The following EPS8 variants were observed in gnomAD, a reference collection of about 807,000 sequenced individuals.
EPS8 encodes the protein EGFR pathway substrate 8, signaling adaptor, also known as epidermal growth factor receptor kinase substrate 8.
In EPS8, 42 loss-of-function variants were observed where a neutral mutation model predicts 103.8. The observed-to-expected ratio is 0.40, with a 90% confidence interval of 0.32 to 0.52. The LOEUF (loss-of-function observed/expected upper bound fraction) is 0.52. Among genes scored for constraint, EPS8 ranks in the 20% least tolerant of loss-of-function variants. The pLI, the probability that EPS8 is intolerant of heterozygous loss-of-function variation, is 0.40. For synonymous variants in EPS8, 344 were observed against 344.6 expected, an observed-to-expected ratio of 1.00 and a Z score of 0.02; for missense variants, 969 against 1,005.1, an observed-to-expected ratio of 0.96 and a Z score of 0.49.
intron 6 of EPS8, 98 bp from the exon 7 acceptor site, chr12:15,666,620 G>T: frequency 2.5e-6 from 2 of 806,928 alleles, no homozygotes; most frequent in East Asian, 2.5e-5. Flanking sequence ...GTCTGAATCA[G>T]TAAGTATCTT....
At chr12:15,715,351 G>C (rs549249356) in intron 1 of EPS8, among the ~76,000 whole-genome samples, 1 of 151,440 alleles carries the variant, frequency 6.6e-6, no homozygotes, top group African/African-American at 2.4e-5. Flanking sequence ...CGTCCACAGG[G>C]GCTGATCCCA....
intron 1 of EPS8, among the ~76,000 whole-genome samples, chr12:15,689,569 A>G (rs554678872): frequency 6.6e-6 from 1 of 152,356 alleles, no homozygotes. Flanking sequence ...ATACATGTAT[A>G]ACTATGAAAT....
At chr12:15,639,046 AC>A (rs1317160577) in intron 17 of EPS8, among the ~76,000 whole-genome samples, 1 of 152,216 alleles carries the variant, frequency 6.6e-6, no homozygotes, top group Non-Finnish European at 1.5e-5. Flanking sequence ...ATTCCTAGCA[AC>A]CACACACACA....
At chr12:15,741,259 C>T (rs1376331880) in intron 1 of EPS8, among the ~76,000 whole-genome samples, 1 of 152,152 alleles carries the variant, frequency 6.6e-6, no homozygotes, top group Non-Finnish European at 1.5e-5. Context: ...TGGCTTAGCA[C>T]TGTGACTCAT....
rs555655004 is a variant in EPS8, at chr12:15,757,527, G to A, written c.-22+31634C>T. The stretch of plus-strand genomic sequence containing the variant: ...TGCCTGTAATCCCAGTTGCTCAGGA[G>A]GCTGAGGCAGGAGAATCGCTTGAAC... On this transcript the variant is annotated intron_variant, in intron 1 of 20. Coordinates refer to ENST00000281172, the MANE Select transcript of EPS8 (RefSeq NM_004447.6). The surrounding 1 kb of genome is among the most constrained non-coding windows in gnomAD (Gnocchi z 4.1). Among the ~76,000 whole-genome samples, 15 of 152,252 alleles carry A rather than the reference G, an allele frequency of 9.9e-5. No homozygotes were observed. In the South Asian group the frequency reaches 3.1e-3, roughly 32 times the overall value.
chr12:15,732,165 T>C (rs1946723761), intron 1 of EPS8, among the ~76,000 whole-genome samples: 1 of 152,142 alleles, frequency 6.6e-6, no homozygotes, highest in Non-Finnish European at 1.5e-5. Flanking sequence ...TGTTGACATA[T>C]CTCTAGGGCT....
In EPS8 at chr12:15,650,967, A is replaced by G. The variant is rs770142121; in HGVS notation, c.1290T>C (p.Val430=). The change falls in exon 14 of 21, where the codon GTT becomes GTC. Residue 430 remains valine, a synonymous_variant. Transcript: ENST00000281172. ...GCTCCCAGCCATTGCGGAATCGTGG[A>G]ACATATGGTGGAATAAACTGTTCTT... ...WPKEQFIPPY[V]PRFRNGWEPP... is the part of the protein sequence containing the mutation. 13 of 1,614,002 alleles carry G rather than the reference A, an allele frequency of 8.1e-6. No homozygotes were observed. The African/African-American group carries it at 1.7e-4, about 22-fold the overall frequency.
In EPS8 at chr12:15,719,821, C is replaced by T. The variant is rs377128498; in HGVS notation, c.-21-36849G>A. Among the ~76,000 whole-genome samples the T allele has an allele frequency of 7.9e-5, 12 of 152,196 alleles. No individual in the cohort carries two copies. In the East Asian group the frequency reaches 1.2e-3, roughly 15 times the overall value. On this transcript the variant is annotated intron_variant, in intron 1 of 20. Transcript: ENST00000281172. ...TTATTTAGATTATAGTTTAAGACCTCTTAATTGTAATTCTAAAAATGGTAT... is the reference window on the plus strand; with the variant it reads ...TTATTTAGATTATAGTTTAAGACCTTTTAATTGTAATTCTAAAAATGGTAT...
Position 15,764,140 on chromosome 12 carries a change from T to TA in EPS8, c.-22+25020dup, listed in dbSNP as rs1240964424. Among the ~76,000 whole-genome samples, 1 of 152,140 alleles carries TA rather than the reference T, an allele frequency of 6.6e-6. No individual in the cohort carries two copies. Among genetic ancestry groups the TA allele is most frequent in the Non-Finnish European group, 1.5e-5 (1 of 68,024 alleles). On this transcript the variant is annotated intron_variant, in intron 1 of 20. Transcript: ENST00000281172. The surrounding 1 kb of genome is among the most constrained non-coding windows in gnomAD (Gnocchi z 4.1). ...GTGAAGGAGGAGCAAAGTAACATCT[T>TA]ACATGGTAGCAGGCAAGAGAGCATA...
chr12:15,658,201 A>G, intron 11 of EPS8, 48 bp from the exon 12 acceptor site: 1 of 1,330,350 alleles, frequency 7.5e-7, no homozygotes. Context: ...AGCAAGACAG[A>G]CACTCAGAAA....
At chr12:15,750,832 A>G (rs1238411989) in intron 1 of EPS8, among the ~76,000 whole-genome samples, 4 of 152,232 alleles carry the variant, frequency 2.6e-5, no homozygotes, top group Non-Finnish European at 4.4e-5. Context: ...ATATCTACCA[A>G]TTAAGATTCT....
intron 12 of EPS8, among the ~76,000 whole-genome samples, chr12:15,655,217 A>G (rs1224482588): frequency 6.6e-6 from 1 of 151,956 alleles, no homozygotes; most frequent in African/African-American, 2.4e-5. Flanking sequence ...TCAGGTCCCA[A>G]CTCTTGTGAA....
rs570255355 is a variant in EPS8, at chr12:15,772,055, T to C, written c.-22+17106A>G. 6.6e-6 allele frequency among the ~76,000 whole-genome samples: 1 copy of C among 152,222 alleles called. No homozygotes were observed. Among genetic ancestry groups the C allele is most frequent in the South Asian group, 2.1e-4 (1 of 4,818 alleles). On this transcript the variant is annotated intron_variant, in intron 1 of 20. Transcript: ENST00000281172. This position sits in a 1 kb window ranked among gnomAD's most constrained non-coding sequence, Gnocchi z 5.0. ...CATATGGGGAACCACTGAAGAGTTT[T>C]AAGCAAGGTAGTTAACATGATTAGC...
intron 8 of EPS8, chr12:15,662,610 C>T: frequency 1.0e-6 from 1 of 985,128 alleles, no homozygotes; most frequent in Non-Finnish European, 1.2e-6. Flanking sequence ...ATGTTGGGCT[C>T]ATTAATTTTA....
rs751437028 is a variant in EPS8 at position 15,662,010 on chromosome 12, C to T, written c.810+16G>A. On this transcript the variant is annotated intron_variant, in intron 9 of 20. Coordinates refer to ENST00000281172, the MANE Select transcript of EPS8 (RefSeq NM_004447.6). Reference sequence around the variant, plus strand: ...AAAAGAAAAGCCAGTGATCTAAAGGCGACTCCTGTACTTACCACATCTCTG... The same window carrying T: ...AAAAGAAAAGCCAGTGATCTAAAGGTGACTCCTGTACTTACCACATCTCTG... The T allele has an allele frequency of 1.3e-5, 21 of 1,596,708 alleles. No individual in the cohort carries two copies. The highest frequency in any genetic ancestry group is 5.1e-5 in the Admixed American group (3 of 59,098).
intron 2 of EPS8, among the ~76,000 whole-genome samples, chr12:15,681,660 G>A (rs1946010021): frequency 1.3e-5 from 2 of 149,664 alleles, no homozygotes; most frequent in South Asian, 2.1e-4. Context: ...AACCCGGGAG[G>A]TGGAGGTTGC....
chr12:15,643,740 G>GAAAAAAAAAAAA lies in EPS8; in HGVS notation c.1569-1922_1569-1911dup, dbSNP rs56952348. Among the ~76,000 whole-genome samples the GAAAAAAAAAAAA allele has an allele frequency of 1.3e-4, 10 of 76,960 alleles. No homozygotes were observed. The East Asian group carries it at 1.3e-3, about 10-fold the overall frequency. 50.5% of individuals were successfully genotyped at this position (76,960 alleles called of 152,430 possible). ...GGCGACAAGAGCAAAACTCTGTCTC[G>GAAAAAAAAAAAA]AAAAAAAAAAAAAAAAAAAAAAGAG... On this transcript the variant is annotated intron_variant, in intron 15 of 20. Coordinates refer to ENST00000281172, the MANE Select transcript of EPS8 (RefSeq NM_004447.6).
In EPS8 at chr12:15,631,463, G is replaced by A; in HGVS notation, c.2023C>T (p.His675Tyr). ...TTACGGTCCACCGGAAGTTGTTTGT[G>A]TCTCTGGCTGTCTCGCACGATACTG... ...GGSIVRDSQR[H>Y]KQLPVDRRKS... Residue 675 changes from histidine (H) to tyrosine (Y), a missense_variant, in exon 18 of 21, where the codon CAC (histidine) becomes TAC (tyrosine). Physicochemically the swap from His to Tyr is moderately conservative, Grantham distance 83. Transcript: ENST00000281172. The A allele has an allele frequency of 6.2e-7, 1 of 1,614,036 alleles. No individual in the cohort carries two copies. Among genetic ancestry groups the A allele is most frequent in the Non-Finnish European group, 8.5e-7 (1 of 1,179,924 alleles).
At chr12:15,774,868 T>A (rs1947192278) in intron 1 of EPS8, among the ~76,000 whole-genome samples, 1 of 151,910 alleles carries the variant, frequency 6.6e-6, no homozygotes, top group Non-Finnish European at 1.5e-5. Flanking sequence ...GTTCAGTGTA[T>A]AATGGCCCAA....
Sources: gnomAD v4.1 joint callset for allele counts (sites outside exome capture counted in the v4.1 genomes callset) on GRCh38, gnomAD v4.1.1 for gene constraint, Gnocchi (gnomAD v3.1) non-coding constraint, MANE v1.5 for transcripts, NCBI Gene and HGNC (gene_info 2026-07-23, HGNC 2026-07-21) for gene names.